CFAP299: variants seen among roughly 807,000 people sequenced by gnomAD.
The protein encoded by CFAP299 is cilia- and flagella-associated protein 299.
A neutral mutation model predicts 27.0 loss-of-function variants in CFAP299; 21 were observed. The observed-to-expected ratio is 0.78, with a 90% CI of 0.55 to 1.12. The LOEUF (loss-of-function observed/expected upper bound fraction) is 1.12. CFAP299 is among the 50% of genes most tolerant of loss of function. The pLI, the probability that CFAP299 is intolerant of heterozygous loss-of-function variation, is 0.00. For synonymous variants in CFAP299, 104 were observed against 98.1 expected (o/e 1.06, Z -0.36); for missense variants, 310 against 276.6 (o/e 1.12, Z -0.86).
chr4:80,403,257 A>G (rs926884896), intron 2 of CFAP299, among the ~76,000 whole-genome samples: 8 of 152,236 alleles, frequency 5.3e-5, no homozygotes, highest in African/African-American at 1.7e-4. Flanking sequence ...TCACAACAAT[A>G]AATAAATTTG....
chr4:80,436,762 T>G (rs779370379), intron 2 of CFAP299, among the ~76,000 whole-genome samples: 1 of 152,166 alleles, frequency 6.6e-6, no homozygotes, highest in Non-Finnish European at 1.5e-5. Context: ...CTTTTGTCCT[T>G]GGGTAATTTT....
intron 2 of CFAP299, among the ~76,000 whole-genome samples, chr4:80,577,314 G>A (rs539785255): frequency 1.3e-5 from 2 of 151,482 alleles, no homozygotes; most frequent in East Asian, 1.9e-4. Flanking sequence ...GTCAGTGCCC[G>A]ATAGCTAAAA....
intron 2 of CFAP299, among the ~76,000 whole-genome samples, chr4:80,529,797 G>A (rs1733379915): frequency 6.6e-6 from 1 of 151,836 alleles, no homozygotes; most frequent in Admixed American, 6.6e-5. Context: ...GGTAGTCAGA[G>A]AGAGGAATAC....
chr4:80,698,900 TC>T (rs1255799747), intron 3 of CFAP299, among the ~76,000 whole-genome samples: 1 of 151,936 alleles, frequency 6.6e-6, no homozygotes, highest in African/African-American at 2.4e-5. Flanking sequence ...TCCCACCAGG[TC>T]CCCCTTCAAC....
At chr4:80,719,694 C>T (rs1391755497) in intron 3 of CFAP299, among the ~76,000 whole-genome samples, 1 of 152,198 alleles carries the variant, frequency 6.6e-6, no homozygotes, top group Non-Finnish European at 1.5e-5. Flanking sequence ...CAGCACACCA[C>T]CACTGCAGTG....
At chr4:80,800,522 A>ATTGATATAT (rs369425504) in intron 3 of CFAP299, among the ~76,000 whole-genome samples, 3 of 4,868 alleles carry the variant, frequency 6.2e-4, no homozygotes, top group South Asian at 5.8e-3. Flanking sequence ...TATATAATAT[A>ATTGATATAT]TAATATATTA....
At chr4:80,695,896 T>G (rs1303952222) in intron 3 of CFAP299, among the ~76,000 whole-genome samples, 2 of 152,054 alleles carry the variant, frequency 1.3e-5, no homozygotes, top group Non-Finnish European at 2.9e-5. Context: ...TCAATCTGCT[T>G]ACCTTGGCTT....
intron 3 of CFAP299, among the ~76,000 whole-genome samples, chr4:80,700,493 A>T (rs1721407219): frequency 6.6e-6 from 1 of 152,130 alleles, no homozygotes; most frequent in Non-Finnish European, 1.5e-5. Context: ...AGGTAGTAGT[A>T]CTTCAATTTT....
chr4:80,662,876 CT>C (rs139613024), intron 3 of CFAP299, among the ~76,000 whole-genome samples: 6,900 of 152,064 alleles, frequency 0.045, 545 homozygotes, highest in African/African-American at 0.16. Flanking sequence ...GCTCTTGAGC[CT>C]TATGGGCAGA....
intron 3 of CFAP299, among the ~76,000 whole-genome samples, chr4:80,812,274 C>T (rs1287913382): frequency 6.6e-6 from 1 of 152,098 alleles, no homozygotes; most frequent in African/African-American, 2.4e-5. Flanking sequence ...CTGGCAGACA[C>T]AGTCCCTGCC....
At chr4:80,354,376 A>G (rs933801675) in intron 1 of CFAP299, among the ~76,000 whole-genome samples, 1 of 152,228 alleles carries the variant, frequency 6.6e-6, no homozygotes, top group African/African-American at 2.4e-5. Flanking sequence ...AATGTTGAAG[A>G]AGTAGGTCAT....
At chr4:80,441,353 T>C (rs1255301026) in intron 2 of CFAP299, among the ~76,000 whole-genome samples, 1 of 152,168 alleles carries the variant, frequency 6.6e-6, no homozygotes, top group African/African-American at 2.4e-5. Flanking sequence ...TAACAGCGGA[T>C]CTCTCTGCAG....
At chr4:80,871,688 T>TATC in intron 4 of CFAP299, 2 of 962,404 alleles carry the variant, frequency 2.1e-6, no homozygotes, top group Non-Finnish European at 2.5e-6. Context: ...CTTAGCAGCT[T>TATC]TGTTTTGTTA....
chr4:80,733,623 C>T (rs964520057), intron 3 of CFAP299, among the ~76,000 whole-genome samples: 3 of 152,082 alleles, frequency 2.0e-5, no homozygotes, highest in African/African-American at 7.2e-5. Flanking sequence ...TCCCACTACT[C>T]TTCCCAGCCT....
rs141680704 is a variant in CFAP299, at chr4:80,932,971, A to T, written c.477-11839A>T. Among the ~76,000 whole-genome samples the T allele has an allele frequency of 9.2e-5, 14 of 152,320 alleles. No homozygotes were observed. The East Asian group carries it at 2.3e-3, about 25-fold the overall frequency. ...TGTTTAATACTTAAATGTCACGATGATTAATATAACATCTTCTATATTCCA... is the reference window on the plus strand; with the variant it reads ...TGTTTAATACTTAAATGTCACGATGTTTAATATAACATCTTCTATATTCCA... On this transcript the variant is annotated intron_variant, in intron 4 of 5. Coordinates refer to ENST00000358105, the MANE Select transcript of CFAP299 (RefSeq NM_152770.3).
At position 80,870,015 on chromosome 4, in the gene CFAP299, G is replaced by A. The variant is rs1242987854; in HGVS notation, c.356G>A (p.Arg119Lys). Residue 119 changes from arginine (R) to lysine (K), a missense_variant, in exon 4 of 6, where the codon AGA becomes AAA. Arg to Lys is a conservative substitution (Grantham distance 26). Coordinates refer to ENST00000358105, the MANE Select transcript of CFAP299 (RefSeq NM_152770.3). Reference sequence around the variant, plus strand: ...CAGTCCGTGATCTTTATTCGTGACAGAAATTCTCATGGGCAAGAGATATCA... The same window carrying A: ...CAGTCCGTGATCTTTATTCGTGACAAAAATTCTCATGGGCAAGAGATATCA... ...KLSSVIFIRDRNSHGQEISGY... is the reference protein window; with the variant it reads ...KLSSVIFIRDKNSHGQEISGY... 1 of 1,611,566 alleles carries A rather than the reference G, an allele frequency of 6.2e-7. No homozygotes were observed. Among genetic ancestry groups the A allele is most frequent in the African/African-American group, 1.3e-5 (1 of 74,782 alleles).
intron 2 of CFAP299, among the ~76,000 whole-genome samples, chr4:80,397,711 C>A (rs1578399181): frequency 6.6e-6 from 1 of 152,124 alleles, no homozygotes; most frequent in South Asian, 2.1e-4. Context: ...CTATTTATGA[C>A]AAACCCACAG....
At chr4:80,455,941 A>T (rs1560575334) in intron 2 of CFAP299, among the ~76,000 whole-genome samples, 1 of 152,116 alleles carries the variant, frequency 6.6e-6, no homozygotes, top group African/African-American at 2.4e-5. Context: ...GAAGGTAGAC[A>T]ATAAAGAAAT....
intron 3 of CFAP299, among the ~76,000 whole-genome samples, chr4:80,860,812 G>A (rs950536025): frequency 1.2e-4 from 19 of 152,184 alleles, no homozygotes; most frequent in Admixed American, 5.2e-4. Flanking sequence ...GTGTCAGTCT[G>A]CCCCTACTGG....
Sources: gnomAD v4.1 joint callset for allele counts (sites outside exome capture counted in the v4.1 genomes callset) on GRCh38, gnomAD v4.1.1 for gene constraint, MANE v1.5 for transcripts, NCBI Gene and HGNC (gene_info 2026-07-23, HGNC 2026-07-21) for gene names.